Variants in BAIAP2L2 observed in about 807,000 individuals in gnomAD.
BAIAP2L2 encodes BAR/IMD domain containing adaptor protein 2 like 2.
Under a neutral mutation model 60.4 loss-of-function variants are expected in BAIAP2L2, and 65 were observed. That is an observed-to-expected ratio of 1.08 (90% confidence interval 0.88 to 1.32). The LOEUF is 1.32. Among genes scored for constraint, BAIAP2L2 ranks in the 40% most tolerant of loss-of-function variants. The probability of loss-of-function intolerance (pLI) is 0.00; values close to 1 mark genes in which losing one functional copy is unlikely to be tolerated. For synonymous variants in BAIAP2L2, 344 were observed against 301.7 expected (o/e 1.14, Z -1.45); for missense variants, 836 against 741.2 (o/e 1.13, Z -1.48).
intron 11 of BAIAP2L2, 52 bp downstream of exon 11, chr22:38,087,072 G>A: frequency 6.8e-7 from 1 of 1,475,376 alleles, no homozygotes. Context: ...GCTGGGCAGT[G>A]ACACCCTTGC....
intron 2 of BAIAP2L2, among the ~76,000 whole-genome samples, chr22:38,108,631 T>G (rs2086719850): frequency 6.6e-6 from 1 of 151,986 alleles, no homozygotes; most frequent in Admixed American, 6.5e-5. Context: ...TTGGCAGGTA[T>G]GAGCGGCCAC....
In BAIAP2L2 at chr22:38,105,342, T is replaced by TTTG. The variant is rs200927649; in HGVS notation, c.276+2509_276+2510insCAA. On this transcript the variant is annotated intron_variant, in intron 4 of 13. Transcript: ENST00000381669. ...CTCCTTCAGCCCTTTTTCTTTTCTT[T>TTTG]TTTTTTTTTTTTTTTTTGAGACAGA... Among the ~76,000 whole-genome samples, 499 of 87,308 alleles carry TTTG rather than the reference T, an allele frequency of 5.7e-3. 20 individuals carry two copies. The highest frequency in any genetic ancestry group is 0.033 in the South Asian group (65 of 1,960). The allele number at this position is 87,308 out of a possible 152,430, so 57.3% of individuals were successfully genotyped here. A position where few individuals can be genotyped will look rare whatever the true frequency, so the allele number is the denominator to read the frequency against.
At chr22:38,107,289 G>A (rs2086683566) in intron 4 of BAIAP2L2, among the ~76,000 whole-genome samples, 1 of 152,162 alleles carries the variant, frequency 6.6e-6, no homozygotes, top group African/African-American at 2.4e-5. Context: ...GGCAGGGGGA[G>A]GGACCGGTGG....
In BAIAP2L2 at chr22:38,085,378, G is replaced by T. The variant is rs538250813; in HGVS notation, c.1515-3C>A. The T allele has an allele frequency of 9.3e-6, 15 of 1,613,480 alleles. No homozygotes were observed. The South Asian group carries it at 1.5e-4, about 17-fold the overall frequency. On this transcript the variant is annotated splice_region_variant and splice_polypyrimidine_tract_variant and intron_variant, in intron 13 of 13. Coordinates refer to ENST00000381669, the MANE Select transcript of BAIAP2L2 (RefSeq NM_025045.6). ...CAGTGGCAAAAGGATTTGTGCCCCT[G>T]TAGGAGGAGAGAGAGAATGGGGTGA...
At chr22:38,107,969 C>T (rs1346271689) in intron 3 of BAIAP2L2, 56 bp from the exon 4 acceptor site, 9 of 1,565,588 alleles carry the variant, frequency 5.7e-6, no homozygotes, top group Middle Eastern at 1.7e-4. Context: ...CCCGCCCACC[C>T]ACCACCCTCT....
rs752758932 is a variant in BAIAP2L2, at chr22:38,098,114, A to G, written c.414T>C (p.Ser138=). 6.2e-7 allele frequency: 1 copy of G among 1,612,346 alleles called. No individual in the cohort carries two copies. Among genetic ancestry groups the G allele is most frequent in the Admixed American group, 1.7e-5 (1 of 59,902 alleles). Residue 138 remains serine, a synonymous_variant, in exon 6 of 14, where the codon TCT becomes TCC. Transcript: ENST00000381669. The part of the protein sequence containing the change: ...HRAANLEKCM[S]ELWRMERKRD... ...TCTTGCGCTCCATGCGCCACAGCTC[A>G]GACATGCACTTCTCCAGGTTGGCCG...
At chr22:38,108,411 C>A in intron 2 of BAIAP2L2, 70 bp from the exon 3 acceptor site, 2 of 1,212,312 alleles carry the variant, frequency 1.6e-6, no homozygotes. Context: ...CTCTTTTCAT[C>A]TGGAGGGGAC....
intron 7 of BAIAP2L2, among the ~76,000 whole-genome samples, chr22:38,096,672 AATAAT>A (rs1440832949): frequency 6.6e-6 from 1 of 152,158 alleles, no homozygotes; most frequent in Non-Finnish European, 1.5e-5. Context: ...TAAATAAATA[AATAAT>A]ATGATAAAAT....
chr22:38,085,791 T>C, intron 12 of BAIAP2L2, 59 bp from the exon 13 acceptor site: 2 of 1,433,840 alleles, frequency 1.4e-6, no homozygotes, highest in Non-Finnish European at 1.9e-6. Flanking sequence ...AATCCCTTGC[T>C]CCTCCCCTCC....
chr22:38,106,853 CCT>C (rs1194603053), intron 4 of BAIAP2L2, among the ~76,000 whole-genome samples: 3 of 152,138 alleles, frequency 2.0e-5, no homozygotes, highest in African/African-American at 4.8e-5. Flanking sequence ...TTTTCTTTCC[CCT>C]GTGTCACTGA....
chr22:38,110,150 G>GAGAGAGAGAGA (rs2086807545), intron 1 of BAIAP2L2, among the ~76,000 whole-genome samples: 2 of 30,488 alleles, frequency 6.6e-5, no homozygotes, highest in Non-Finnish European at 1.2e-4. Context: ...AGAGAGAGAG[G>GAGAGAGAGAGA]GAGAGACAGA....
intron 6 of BAIAP2L2, 38 bp downstream of exon 6, chr22:38,098,025 G>GGCCCCCCCC: frequency 3.1e-6 from 2 of 647,930 alleles, no homozygotes; most frequent in Admixed American, 2.2e-5. Context: ...CTGCCCACCC[G>GGCCCCCCCC]CCCTTCCTGG....
intron 9 of BAIAP2L2, 43 bp from the exon 10 acceptor site, chr22:38,089,007 TC>T: frequency 6.8e-7 from 1 of 1,463,542 alleles, no homozygotes; most frequent in Non-Finnish European, 9.0e-7. Context: ...AGGAAGTTCT[TC>T]CTGGCGTCTG....
chr22:38,096,587 A>G (rs1445090964), intron 7 of BAIAP2L2, among the ~76,000 whole-genome samples: 5 of 152,086 alleles, frequency 3.3e-5, no homozygotes, highest in Non-Finnish European at 5.9e-5. Flanking sequence ...CCCGGGAGGG[A>G]GAGGTTGCAG....
chr22:38,099,474 T>C (rs983426473), intron 4 of BAIAP2L2, among the ~76,000 whole-genome samples: 2 of 151,676 alleles, frequency 1.3e-5, no homozygotes, highest in African/African-American at 4.8e-5. Flanking sequence ...GCGGAGGTTG[T>C]AGTGAGCGGA....
chr22:38,109,367 A>G lies in BAIAP2L2; in HGVS notation c.52-159T>C, dbSNP rs547983897. Among the ~76,000 whole-genome samples the G allele has an allele frequency of 4.6e-5, 7 of 152,186 alleles. No homozygotes were observed. In the South Asian group the frequency reaches 6.2e-4, roughly 14 times the overall value. Reference sequence around the variant, plus strand: ...CCCATCTACAAACCTAGGCTCACCCAGAATCCTGGCTCTTGGCTGCAGGGA... The same window carrying G: ...CCCATCTACAAACCTAGGCTCACCCGGAATCCTGGCTCTTGGCTGCAGGGA... On this transcript the variant is annotated intron_variant, in intron 1 of 13. Coordinates refer to ENST00000381669, the MANE Select transcript of BAIAP2L2 (RefSeq NM_025045.6).
At chr22:38,101,546 CAA>C (rs71195082) in intron 4 of BAIAP2L2, among the ~76,000 whole-genome samples, 2 of 30,910 alleles carry the variant, frequency 6.5e-5, no homozygotes, top group Non-Finnish European at 1.0e-4. Flanking sequence ...GATCCTGTCT[CAA>C]AAAAAAAAAA....
At position 38,086,303 on chromosome 22, in the gene BAIAP2L2, G is replaced by A. The variant is rs771382363; in HGVS notation, c.1406C>T (p.Pro469Leu). Residue 469 changes from proline (P) to leucine (L), a missense_variant, in exon 12 of 14, where the codon CCA becomes CTA. Coordinates refer to ENST00000381669, the MANE Select transcript of BAIAP2L2 (RefSeq NM_025045.6). Reference protein sequence around the residue: ...VPSRAPSPAPPPLPSSRRSSM... With the variant: ...VPSRAPSPAPLPLPSSRRSSM... The stretch of plus-strand genomic sequence containing the variant: ...GCTGCGGCGGCTGCTGGGCAAGGGT[G>A]GAGGTGCAGGGCTGGGGGCACGGCT... 6.2e-7 allele frequency: 1 copy of A among 1,610,212 alleles called. No individual in the cohort carries two copies. Among genetic ancestry groups the A allele is most frequent in the South Asian group, 1.1e-5 (1 of 90,652 alleles).
At chr22:38,085,649 C>T (rs2086038814) in intron 13 of BAIAP2L2, 37 bp downstream of exon 13, 4 of 1,606,488 alleles carry the variant, frequency 2.5e-6, no homozygotes, top group Non-Finnish European at 3.4e-6. Flanking sequence ...GCACCTGCCA[C>T]CCTCCTCACT....
Sources: gnomAD v4.1 joint callset for allele counts (sites outside exome capture counted in the v4.1 genomes callset) on GRCh38, gnomAD v4.1.1 for gene constraint, MANE v1.5 for transcripts, NCBI Gene and HGNC (gene_info 2026-07-23, HGNC 2026-07-21) for gene names.